The following ATR variants were observed in gnomAD, a reference collection of about 807,000 sequenced individuals.
ATR encodes serine/threonine-protein kinase ATR.
In ATR, 142 loss-of-function variants were observed where a neutral mutation model predicts 305.3. That is an observed-to-expected ratio of 0.47 (90% CI 0.41 to 0.53). The LOEUF is 0.53. ATR is among the 20% of genes least tolerant of loss of function. The pLI is 0.00. For missense variants in ATR, 2,135 were observed against 3,133.1 expected (o/e 0.68, Z 7.60); for synonymous variants, 1,050 against 1,068.1 (o/e 0.98, Z 0.33).
At chr3:142,484,460 C>T (rs1268780151) in intron 36 of ATR, among the ~76,000 whole-genome samples, 1 of 152,118 alleles carries the variant, frequency 6.6e-6, no homozygotes, top group Non-Finnish European at 1.5e-5. Flanking sequence ...ATGGCACAGC[C>T]CATCTCCATG....
chr3:142,576,142 C>T (rs979900545), intron 1 of ATR, among the ~76,000 whole-genome samples: 6 of 152,112 alleles, frequency 3.9e-5, no homozygotes, highest in South Asian at 2.1e-4. Flanking sequence ...CTAGATGTAT[C>T]TTAAACATAT....
chr3:142,449,266 C>T lies in ATR; in HGVS notation c.*163G>A. The T allele has an allele frequency of 1.6e-6, 1 of 639,294 alleles. No homozygotes were observed. Among genetic ancestry groups the T allele is most frequent in the South Asian group, 2.1e-5 (1 of 46,588 alleles). 39.6% of individuals were successfully genotyped at this position (639,294 alleles called of 1,614,324 possible). ...AAGAAAGCAGTTTATTTCTTAATAA[C>T]TGAATGTATATTATTTTACATATAA... On this transcript the variant is annotated 3_prime_UTR_variant, in exon 47 of 47. Transcript: ENST00000350721.
rs2031781107 is a variant in ATR, at chr3:142,498,661, C to T, written c.5494G>A (p.Val1832Ile). Residue 1832 changes from valine to isoleucine, a missense_variant, in exon 32 of 47, where the codon GTA becomes ATA. Physicochemically the swap from Val to Ile is conservative, Grantham distance 29 (BLOSUM62 3). Transcript: ENST00000350721. ...TCAAAGCTTGCAGCTGAAAGAGGTA[C>T]AATTTGTTCTGCTCTCACTAGTTTC... ...SLKLVRAEQI[V>I]PLSAASFERG... The T allele has an allele frequency of 6.2e-7, 1 of 1,614,068 alleles. No individual in the cohort carries two copies. Among genetic ancestry groups the T allele is most frequent in the East Asian group, 2.2e-5 (1 of 44,870 alleles).
chr3:142,483,063 TGGTG>T, intron 36 of ATR, among the ~76,000 whole-genome samples: 1 of 149,190 alleles, frequency 6.7e-6, no homozygotes, highest in East Asian at 2.0e-4. Flanking sequence ...TGCTGTGCAG[TGGTG>T]CAATCACAGC....
chr3:142,513,756 T>A, intron 25 of ATR, 118 bp from the exon 26 acceptor site: 1 of 1,120,256 alleles, frequency 8.9e-7, no homozygotes, highest in Non-Finnish European at 1.2e-6. Context: ...TAAAAAGTTT[T>A]TTAATTAATT....
chr3:142,450,634 A>G (rs750963250), intron 46 of ATR: 2 of 1,607,226 alleles, frequency 1.2e-6, no homozygotes, highest in East Asian at 2.2e-5. Context: ...AAGAGTATAC[A>G]AGGTCAGGAA....
chr3:142,534,226 C>T (rs1043764418), intron 21 of ATR, among the ~76,000 whole-genome samples: 4 of 152,052 alleles, frequency 2.6e-5, no homozygotes, highest in South Asian at 2.1e-4. Flanking sequence ...GAGGCTGTAA[C>T]GTTGATAATG....
intron 29 of ATR, 120 bp from the exon 30 acceptor site, chr3:142,503,573 A>T (rs923399934): frequency 1.6e-5 from 7 of 440,884 alleles, no homozygotes; most frequent in Non-Finnish European, 2.7e-5. Context: ...TTATTTTTTT[A>T]TTATTATTAT....
intron 41 of ATR, 57 bp from the exon 42 acceptor site, chr3:142,462,147 T>A (rs2108266555): frequency 2.7e-6 from 4 of 1,472,584 alleles, no homozygotes; most frequent in Non-Finnish European, 3.8e-6. Context: ...TTTCTAAATG[T>A]TATATCAAAT....
intron 36 of ATR, among the ~76,000 whole-genome samples, chr3:142,483,728 T>A (rs2030703153): frequency 6.6e-6 from 1 of 151,862 alleles, no homozygotes; most frequent in African/African-American, 2.4e-5. Context: ...TACCAGCTAC[T>A]CAGAAGGGTG....
chr3:142,572,902 C>T lies in ATR; in HGVS notation c.60-4748G>A, dbSNP rs2035321480. Among the ~76,000 whole-genome samples, 6 of 152,260 alleles carry T rather than the reference C, an allele frequency of 3.9e-5. No individual in the cohort carries two copies. The South Asian group carries it at 1.0e-3, about 26-fold the overall frequency. ...TCCTGAATTTTGTGGTTTCTTCATT[C>T]CTAATGTACAGCCTTCTGGACCTAT... On this transcript the variant is annotated intron_variant, in intron 1 of 46. Transcript: ENST00000350721.
In ATR at chr3:142,553,773, T is replaced by C. The variant is rs771763551; in HGVS notation, c.2533-33A>G. ...AATAAAATTAACTGGTTAAAGAAATTTTTAGAGCTAGGTTGACGTAAACTC... is the reference window on the plus strand; with the variant it reads ...AATAAAATTAACTGGTTAAAGAAATCTTTAGAGCTAGGTTGACGTAAACTC... On this transcript the variant is annotated intron_variant, in intron 11 of 46. Coordinates refer to ENST00000350721, the MANE Select transcript of ATR (RefSeq NM_001184.4). The C allele has an allele frequency of 1.9e-6, 3 of 1,610,362 alleles. No individual in the cohort carries two copies. The Admixed American group carries it at 5.0e-5, about 27-fold the overall frequency.
At chr3:142,486,772 GT>G (rs1394349975) in intron 35 of ATR, among the ~76,000 whole-genome samples, 2 of 151,736 alleles carry the variant, frequency 1.3e-5, no homozygotes, top group African/African-American at 2.4e-5. Flanking sequence ...AACTCCAGGA[GT>G]TTTTTGTCTG....
rs2035114051 is a variant in ATR, at chr3:142,567,485, G to A, written c.151+578C>T. Among the ~76,000 whole-genome samples the A allele has an allele frequency of 2.0e-5, 3 of 152,138 alleles. No homozygotes were observed. The South Asian group carries it at 6.2e-4, about 32-fold the overall frequency. On this transcript the variant is annotated intron_variant, in intron 2 of 46. Coordinates refer to ENST00000350721, the MANE Select transcript of ATR (RefSeq NM_001184.4). ...AGTCATAAAATCTGCGCCAAATTTG[G>A]AATCCAAATTATAAACCCTGAGCCT...
intron 33 of ATR, 86 bp from the exon 34 acceptor site, chr3:142,496,606 A>C: frequency 6.9e-6 from 10 of 1,444,162 alleles, no homozygotes; most frequent in Non-Finnish European, 9.6e-6. Context: ...AATCTAGGTC[A>C]TAAACTTTGC....
chr3:142,493,011 T>C (rs1473482005), intron 35 of ATR, 121 bp downstream of exon 35: 1 of 912,168 alleles, frequency 1.1e-6, no homozygotes, highest in Non-Finnish European at 1.7e-6. Context: ...TATACTTATA[T>C]ACTCACTGAA....
rs2108341396 is a variant in ATR, at chr3:142,498,709, T to A, written c.5446A>T (p.Ile1816Phe). ...TTCAGTGAGTCATAAAAAGCTGTGA[T>A]ATCTCTTTTTTTGGCTGATAATAAT... The part of the protein sequence containing the change: ...QLLLSAKKRD[I>F]TAFYDSLKLV... Residue 1816 changes from isoleucine (I) to phenylalanine (F), a missense_variant, in exon 32 of 47, where the codon ATC (isoleucine) becomes TTC (phenylalanine). Physicochemically the swap from Ile to Phe is conservative, Grantham distance 21. Transcript: ENST00000350721. The A allele has an allele frequency of 1.2e-6, 2 of 1,614,042 alleles. No individual in the cohort carries two copies. Among genetic ancestry groups the A allele is most frequent in the Non-Finnish European group, 1.7e-6 (2 of 1,179,906 alleles).
chr3:142,564,710 T>TA (rs2035005299), intron 3 of ATR, among the ~76,000 whole-genome samples: 1 of 152,214 alleles, frequency 6.6e-6, no homozygotes, highest in Non-Finnish European at 1.5e-5. Flanking sequence ...AAAGGTTCAT[T>TA]AAATAGTACT....
intron 42 of ATR, 103 bp downstream of exon 42, chr3:142,461,837 G>C: frequency 7.8e-7 from 1 of 1,277,386 alleles, no homozygotes; most frequent in Non-Finnish European, 1.1e-6. Context: ...TTTCACTATA[G>C]CTTATATCAA....
Sources: gnomAD v4.1 joint callset for allele counts (sites outside exome capture counted in the v4.1 genomes callset) on GRCh38, gnomAD v4.1.1 for gene constraint, MANE v1.5 for transcripts, NCBI Gene and HGNC (gene_info 2026-07-23, HGNC 2026-07-21) for gene names.